VGLL1: variants seen among roughly 807,000 people sequenced by gnomAD.
VGLL1 encodes vestigial like family member 1, also known as transcription cofactor vestigial-like protein 1.
A neutral mutation model predicts 12.0 loss-of-function variants in VGLL1; 4 were observed. The observed-to-expected ratio is 0.33, with a 90% CI of 0.16 to 0.76. The LOEUF is 0.76. Ranked by LOEUF, VGLL1 falls within the 30% of genes least tolerant of loss-of-function variation. VGLL1 has a pLI of 0.60. For missense variants in VGLL1, 204 were observed against 208.7 expected (o/e 0.98, Z 0.14); for synonymous variants, 87 against 81.2 (o/e 1.07, Z -0.39).
chrX:136,536,240 C>T lies in VGLL1; in HGVS notation c.214+6C>T. The T allele has an allele frequency of 8.3e-7, 1 of 1,206,126 alleles. No homozygotes were observed. The highest frequency in any genetic ancestry group is 1.8e-5 in the South Asian group (1 of 56,769). ...AGGTGTGATGCTGAAAAACGGTGAGCATGTGGGGAGGGAGGGAGCTGGGAT... is the reference window on the plus strand; with the variant it reads ...AGGTGTGATGCTGAAAAACGGTGAGTATGTGGGGAGGGAGGGAGCTGGGAT... On this transcript the variant is annotated splice_donor_region_variant and intron_variant, in intron 2 of 4. Transcript: ENST00000370634.
At chrX:136,533,243 T>C (rs2075830926) in intron 1 of VGLL1, among the ~76,000 whole-genome samples, 1 of 111,314 alleles carries the variant, frequency 9.0e-6, no homozygotes, top group Non-Finnish European at 1.9e-5. Context: ...GTGTGCGGTG[T>C]GGTTGGGGAG....
intron 4 of VGLL1, among the ~76,000 whole-genome samples, chrX:136,551,469 A>G (rs754390486): frequency 8.9e-6 from 1 of 111,748 alleles, no homozygotes; most frequent in African/African-American, 3.3e-5. Context: ...ACAAAAGAGG[A>G]CAATCTGGGT....
intron 1 of VGLL1, among the ~76,000 whole-genome samples, chrX:136,534,670 A>T (rs1369727726): frequency 1.8e-5 from 2 of 112,474 alleles, no homozygotes; most frequent in African/African-American, 6.5e-5. Flanking sequence ...ATGTGTACCT[A>T]GAAGTGAGAT....
intron 1 of VGLL1, among the ~76,000 whole-genome samples, chrX:136,534,152 A>T (rs2075833511): frequency 8.9e-6 from 1 of 112,637 alleles, no homozygotes; most frequent in Non-Finnish European, 1.9e-5. Flanking sequence ...TTTTCTCTAA[A>T]TAAAGGAATA....
At chrX:136,539,531 A>C (rs1443536875) in intron 2 of VGLL1, among the ~76,000 whole-genome samples, 4 of 111,536 alleles carry the variant, frequency 3.6e-5, no homozygotes, top group Non-Finnish European at 7.5e-5. Context: ...CTTCGCTTGC[A>C]GTCAGCCCAT....
chrX:136,535,034 G>T (rs1239303677), intron 1 of VGLL1, among the ~76,000 whole-genome samples: 2 of 111,939 alleles, frequency 1.8e-5, no homozygotes, highest in African/African-American at 6.5e-5. Flanking sequence ...GTGATCAAAG[G>T]TAAAGAAGCA....
At chrX:136,549,284 T>C (rs1018006994) in intron 3 of VGLL1, among the ~76,000 whole-genome samples, 1 of 111,470 alleles carries the variant, frequency 9.0e-6, no homozygotes, top group Non-Finnish European at 1.9e-5. Flanking sequence ...CTTAGAAAAA[T>C]GATGGGCTGC....
intron 2 of VGLL1, among the ~76,000 whole-genome samples, chrX:136,537,330 A>C (rs1000474240): frequency 1.4e-4 from 16 of 110,391 alleles, no homozygotes; most frequent in Admixed American, 1.2e-3. Flanking sequence ...CCATGATTGC[A>C]CCACTGTACT....
At position 136,556,688 on chromosome X, in the gene VGLL1, T is replaced by C; in HGVS notation, c.*149T>C. On this transcript the variant is annotated 3_prime_UTR_variant, in exon 5 of 5. Transcript: ENST00000370634. ...TCGTGTCTAGTATGAGCTCAGTACT[T>C]GCCCTGTGAAAATCCCAGAAGCCCC... 4.3e-6 allele frequency: 2 copies of C among 463,996 alleles called. No homozygotes were observed. Among genetic ancestry groups the C allele is most frequent in the East Asian group, 7.5e-5 (2 of 26,573 alleles). The allele number at this position is 463,996 out of a possible 1,213,427, so 38.2% of individuals were successfully genotyped here.
At chrX:136,545,725 G>A (rs1041944140) in intron 2 of VGLL1, among the ~76,000 whole-genome samples, 5 of 111,393 alleles carry the variant, frequency 4.5e-5, no homozygotes, top group South Asian at 3.8e-4. Context: ...TAAAGTGGAG[G>A]GAAGGTACTC....
intron 2 of VGLL1, among the ~76,000 whole-genome samples, chrX:136,541,361 G>A (rs916438196): frequency 8.9e-6 from 1 of 112,051 alleles, no homozygotes; most frequent in African/African-American, 3.3e-5. Context: ...CTGTGAAGAT[G>A]TTGTCTCCCT....
intron 3 of VGLL1, among the ~76,000 whole-genome samples, chrX:136,549,656 A>G (rs1449429676): frequency 9.2e-6 from 1 of 108,796 alleles, no homozygotes; most frequent in Admixed American, 9.9e-5. Context: ...AGGCTTACTC[A>G]CCTCTTCATT....
chrX:136,556,151 T>A (rs1440839428), intron 4 of VGLL1, among the ~76,000 whole-genome samples: 1 of 112,017 alleles, frequency 8.9e-6, no homozygotes, highest in East Asian at 2.8e-4. Flanking sequence ...CTTTGGTTTC[T>A]CAATCCTAAC....
intron 2 of VGLL1, among the ~76,000 whole-genome samples, chrX:136,539,009 A>C (rs150674010): frequency 0.02 from 2,178 of 111,310 alleles, 22 homozygotes; most frequent in Non-Finnish European, 0.03. Flanking sequence ...TGGGGGATTG[A>C]CATGTGGTAA....
At chrX:136,537,388 A>G (rs1164377449) in intron 2 of VGLL1, among the ~76,000 whole-genome samples, 1 of 111,221 alleles carries the variant, frequency 9.0e-6, no homozygotes, top group Non-Finnish European at 1.9e-5. Flanking sequence ...AAAAAAAAAA[A>G]GTAAAGCTAC....
At chrX:136,544,776 C>G (rs1368566722) in intron 2 of VGLL1, among the ~76,000 whole-genome samples, 1 of 112,205 alleles carries the variant, frequency 8.9e-6, no homozygotes, top group African/African-American at 3.2e-5. Flanking sequence ...TCTGAAATCC[C>G]TCTTTTATAA....
chrX:136,543,080 A>G (rs2148531339), intron 2 of VGLL1, among the ~76,000 whole-genome samples: 1 of 111,554 alleles, frequency 9.0e-6, no homozygotes, highest in Admixed American at 9.5e-5. Flanking sequence ...CGGCAGATGG[A>G]ATTGATTTCG....
rs771521181 is a variant in VGLL1, at chrX:136,541,828, C to G, written c.214+5594C>G. Among the ~76,000 whole-genome samples, 8 of 112,568 alleles carry G rather than the reference C, an allele frequency of 7.1e-5. No individual in the cohort carries two copies. In the East Asian group the frequency reaches 2.0e-3, roughly 27 times the overall value. ...AATTTCCTGGCTTCTCTTCCCCAAT[C>G]AGTGTTGTGTTTTTATTTACTTATG... On this transcript the variant is annotated intron_variant, in intron 2 of 4. Coordinates refer to ENST00000370634, the MANE Select transcript of VGLL1 (RefSeq NM_016267.4).
intron 2 of VGLL1, 139 bp downstream of exon 2, chrX:136,536,373 C>G (rs1353956667): frequency 3.5e-6 from 2 of 565,071 alleles, no homozygotes; most frequent in Non-Finnish European, 2.8e-6. Context: ...AGAAGCCACA[C>G]CCCTTCTTAG....
Sources: gnomAD v4.1 joint callset for allele counts (sites outside exome capture counted in the v4.1 genomes callset) on GRCh38, gnomAD v4.1.1 for gene constraint, MANE v1.5 for transcripts, NCBI Gene and HGNC (gene_info 2026-07-23, HGNC 2026-07-21) for gene names.